The following AKAP8L variants were observed in gnomAD, a reference collection of about 807,000 sequenced individuals.
AKAP8L encodes the protein A-kinase anchor protein 8-like.
In AKAP8L, 34 loss-of-function variants were observed where a neutral mutation model predicts 77.5. That is an observed-to-expected ratio of 0.44 (90% CI 0.33 to 0.58). The LOEUF is 0.58. AKAP8L is among the 20% of genes least tolerant of loss of function. The probability of loss-of-function intolerance (pLI) is 0.02; values close to 1 mark genes in which losing one functional copy is unlikely to be tolerated. For synonymous variants in AKAP8L, 342 were observed against 340.7 expected (o/e 1.00, Z -0.04); for missense variants, 806 against 887.6 (o/e 0.91, Z 1.17).
Position 15,398,259 on chromosome 19 carries a change from G to T in AKAP8L, c.1158-404C>A. On this transcript the variant is annotated intron_variant, in intron 9 of 13. Transcript: ENST00000397410. This position sits in a 1 kb window ranked among gnomAD's most constrained non-coding sequence, Gnocchi z 9.2. ...GTGAGCCAGGTGGCCCTGAGGTGCA[G>T]AGTGGAGTACGCAGTCCCGAGGCAG... 1 of 271,452 alleles carries T rather than the reference G, an allele frequency of 3.7e-6. No individual in the cohort carries two copies. Among genetic ancestry groups the T allele is most frequent in the Non-Finnish European group, 7.2e-6 (1 of 138,926 alleles). The allele number at this position is 271,452 out of a possible 1,614,324, so 16.8% of individuals were successfully genotyped here. A position where few individuals can be genotyped will look rare whatever the true frequency, so the allele number is the denominator to read the frequency against.
In AKAP8L at chr19:15,398,119, G is replaced by T; in HGVS notation, c.1158-264C>A. ...CAGGAGGCTGAAGCCTGAGACAGCA[G>T]CTGCTGCAACAGGCAACGAGTCGCT... is the stretch of plus-strand genomic sequence containing the variant. On this transcript the variant is annotated intron_variant, in intron 9 of 13. Transcript: ENST00000397410. This position sits in a 1 kb window ranked among gnomAD's most constrained non-coding sequence, Gnocchi z 9.2. 2.0e-6 allele frequency: 1 copy of T among 498,940 alleles called. No homozygotes were observed. Among genetic ancestry groups the T allele is most frequent in the Non-Finnish European group, 3.6e-6 (1 of 275,496 alleles). 30.9% of individuals were successfully genotyped at this position (498,940 alleles called of 1,614,324 possible).
At chr19:15,389,211 C>T (rs1280730963) in intron 12 of AKAP8L, among the ~76,000 whole-genome samples, 3 of 135,914 alleles carry the variant, frequency 2.2e-5, no homozygotes, top group East Asian at 2.1e-4. Context: ...GGCAACAGAG[C>T]GAGACTCCAT....
chr19:15,393,948 A>G (rs1320995633), intron 12 of AKAP8L, among the ~76,000 whole-genome samples: 1 of 151,132 alleles, frequency 6.6e-6, no homozygotes, highest in Non-Finnish European at 1.5e-5. Flanking sequence ...GTTGGTGAGT[A>G]TGTGAAGAAA....
chr19:15,418,533 G>A (rs1968258692), intron 1 of AKAP8L, among the ~76,000 whole-genome samples: 3 of 152,202 alleles, frequency 2.0e-5, no homozygotes. Flanking sequence ...GGCGACGGCA[G>A]CCGAGCCTGC....
rs2145126865 is a variant in AKAP8L at position 15,397,388 on chromosome 19, C to T, written c.1406-108G>A. The stretch of plus-strand genomic sequence containing the variant: ...CCTCCTCAACTCGCCCTGCCACTTC[C>T]ACCTGGGCCTGAGCCAAGGCTGGTC... On this transcript the variant is annotated intron_variant, in intron 11 of 13. Coordinates refer to ENST00000397410, the MANE Select transcript of AKAP8L (RefSeq NM_014371.4). The surrounding 1 kb of genome is among the most constrained non-coding windows in gnomAD (Gnocchi z 4.7). 6.6e-7 allele frequency: 1 copy of T among 1,507,690 alleles called. No homozygotes were observed. The highest frequency in any genetic ancestry group is 9.1e-7 in the Non-Finnish European group (1 of 1,102,212). The allele number at this position is 1,507,690 out of a possible 1,614,324, so 93.4% of individuals were successfully genotyped here. A position where few individuals can be genotyped will look rare whatever the true frequency, so the allele number is the denominator to read the frequency against.
chr19:15,418,503 G>A (rs1272750322), intron 1 of AKAP8L, among the ~76,000 whole-genome samples: 1 of 151,790 alleles, frequency 6.6e-6, no homozygotes, highest in Non-Finnish European at 1.5e-5. Flanking sequence ...GAGAAACTGC[G>A]CGGGGGAGGA....
Position 15,401,254 on chromosome 19 carries a change from C to T in AKAP8L, c.712G>A (p.Gly238Ser). The part of the protein sequence containing the change: ...PEYGMFQGMR[G>S]GGAFPGGSRF... The stretch of plus-strand genomic sequence containing the variant: ...GAGCCGCCCGGGAAGGCGCCCCCAC[C>T]TCGCATGCCCTGGAACATGCCGTAC... Residue 238 changes from glycine to serine, a missense_variant, in exon 5 of 14, where the codon GGT becomes AGT. Physicochemically the swap from Gly to Ser is moderately conservative, Grantham distance 56. Coordinates refer to ENST00000397410, the MANE Select transcript of AKAP8L (RefSeq NM_014371.4). The surrounding 1 kb of genome is among the most constrained non-coding windows in gnomAD (Gnocchi z 6.2). The T allele has an allele frequency of 6.2e-7, 1 of 1,613,816 alleles. No individual in the cohort carries two copies. The highest frequency in any genetic ancestry group is 8.5e-7 in the Non-Finnish European group (1 of 1,179,828).
intron 1 of AKAP8L, among the ~76,000 whole-genome samples, chr19:15,412,599 T>C (rs929472410): frequency 1.1e-4 from 16 of 152,106 alleles, no homozygotes; most frequent in African/African-American, 3.9e-4. Flanking sequence ...TGGAGTGCAG[T>C]GGCACGATCT....
intron 12 of AKAP8L, among the ~76,000 whole-genome samples, chr19:15,393,201 C>G (rs1346855972): frequency 6.6e-6 from 1 of 151,950 alleles, no homozygotes; most frequent in African/African-American, 2.4e-5. Flanking sequence ...TCAAATGGAA[C>G]AAAGACCTAA....
chr19:15,385,095 A>G (rs1407296339), intron 12 of AKAP8L, among the ~76,000 whole-genome samples: 1 of 151,710 alleles, frequency 6.6e-6, no homozygotes, highest in African/African-American at 2.4e-5. Context: ...CTCCTGCCTC[A>G]GCCTCCCAAG....
intron 12 of AKAP8L, among the ~76,000 whole-genome samples, chr19:15,382,783 A>G (rs903863610): frequency 6.6e-6 from 1 of 152,188 alleles, no homozygotes; most frequent in African/African-American, 2.4e-5. Flanking sequence ...ATAGTGTGCA[A>G]TGATTTCACT....
intron 1 of AKAP8L, among the ~76,000 whole-genome samples, chr19:15,418,221 G>A (rs370868133): frequency 1.3e-5 from 2 of 152,288 alleles, no homozygotes; most frequent in South Asian, 4.1e-4. Context: ...TAAGATCCTC[G>A]CCTCTAAGCT....
intron 8 of AKAP8L, 151 bp downstream of exon 8, chr19:15,400,144 A>G: frequency 1.3e-6 from 1 of 759,478 alleles, no homozygotes; most frequent in South Asian, 1.6e-5. Context: ...GAGGCGGCGA[A>G]AAGAAAGCCC....
chr19:15,387,560 A>T (rs928170710), intron 12 of AKAP8L, among the ~76,000 whole-genome samples: 2 of 152,004 alleles, frequency 1.3e-5, no homozygotes, highest in Non-Finnish European at 2.9e-5. Flanking sequence ...CAGTGATATT[A>T]GCTAACCCAT....
At chr19:15,404,634 G>A (rs1425074036) in intron 2 of AKAP8L, among the ~76,000 whole-genome samples, 1 of 152,164 alleles carries the variant, frequency 6.6e-6, no homozygotes, top group Non-Finnish European at 1.5e-5. Flanking sequence ...AGTCCCCTGG[G>A]AACTCTGAGT....
At chr19:15,406,822 G>A (rs566002079) in intron 2 of AKAP8L, among the ~76,000 whole-genome samples, 1 of 152,098 alleles carries the variant, frequency 6.6e-6, no homozygotes, top group Non-Finnish European at 1.5e-5. Flanking sequence ...GATATTTATG[G>A]ACCAAAAATA....
intron 12 of AKAP8L, among the ~76,000 whole-genome samples, chr19:15,386,961 A>G (rs1160649609): frequency 6.6e-6 from 1 of 152,128 alleles, no homozygotes; most frequent in Admixed American, 6.6e-5. Flanking sequence ...ACCCAGCCGG[A>G]TGTCAGTATC....
intron 2 of AKAP8L, among the ~76,000 whole-genome samples, chr19:15,405,081 G>C (rs1478306407): frequency 6.6e-6 from 1 of 152,250 alleles, no homozygotes; most frequent in Non-Finnish European, 1.5e-5. Flanking sequence ...ACAGGGAACA[G>C]AGGCTTGCAG....
At chr19:15,415,668 C>T (rs1321804862) in intron 1 of AKAP8L, among the ~76,000 whole-genome samples, 1 of 152,028 alleles carries the variant, frequency 6.6e-6, no homozygotes, top group Non-Finnish European at 1.5e-5. Context: ...GGGCGGATCA[C>T]AAGGTCAGGA....
Sources: allele counts gnomAD v4.1 joint callset (sites outside exome capture counted in the v4.1 genomes callset), GRCh38; gene constraint gnomAD v4.1.1; non-coding constraint Gnocchi (gnomAD v3.1); transcripts MANE v1.5; gene names NCBI Gene and HGNC (gene_info 2026-07-23, HGNC 2026-07-21).